Variants in SCAPER observed in about 807,000 individuals in gnomAD.
SCAPER encodes S-phase cyclin A associated protein in the ER, also known as S phase cyclin A-associated protein in the endoplasmic reticulum.
Under a neutral mutation model 182.2 loss-of-function variants are expected in SCAPER, and 98 were observed. That is an observed-to-expected ratio of 0.54 (90% confidence interval 0.46 to 0.64). SCAPER has a LOEUF of 0.64. SCAPER is among the 30% of genes least tolerant of loss of function. SCAPER has a pLI of 0.00. For missense variants in SCAPER, 1,432 were observed against 1,690.0 expected, an observed-to-expected ratio of 0.85 and a Z score of 2.68; for synonymous variants, 605 against 564.6, an observed-to-expected ratio of 1.07 and a Z score of -1.01.
chr15:76,564,119 C>T (rs999371746), intron 23 of SCAPER, among the ~76,000 whole-genome samples: 3 of 152,140 alleles, frequency 2.0e-5, no homozygotes, highest in African/African-American at 4.8e-5. Flanking sequence ...ACAAGGATGC[C>T]TTCTCTCACC....
chr15:76,729,305 C>G (rs893053515), intron 16 of SCAPER, among the ~76,000 whole-genome samples: 1 of 151,298 alleles, frequency 6.6e-6, no homozygotes, highest in Non-Finnish European at 1.5e-5. Context: ...TACACACACA[C>G]ACACACACAC....
intron 1 of SCAPER, among the ~76,000 whole-genome samples, chr15:76,892,958 T>C (rs1454572348): frequency 7.1e-6 from 1 of 141,806 alleles, no homozygotes; most frequent in Non-Finnish European, 1.6e-5. Flanking sequence ...TAAGAAAATG[T>C]GGCACATATA....
Position 76,404,567 on chromosome 15 carries a change from G to A in SCAPER, c.3424C>T (p.Leu1142Phe), listed in dbSNP as rs1471576283. The A allele has an allele frequency of 1.9e-6, 3 of 1,613,556 alleles. No homozygotes were observed. The change falls in exon 27 of 32, where the codon CTC becomes TTC. Residue 1142 changes from leucine to phenylalanine, a missense_variant. Physicochemically the swap from Leu to Phe is conservative, Grantham distance 22. Coordinates refer to ENST00000563290, the MANE Select transcript of SCAPER (RefSeq NM_020843.4). ...CACAGTGTACACATTGCATGTAAGAGTCCTGCGGCATGCTGCAGAAATATG... is the reference window on the plus strand; with the variant it reads ...CACAGTGTACACATTGCATGTAAGAATCCTGCGGCATGCTGCAGAAATATG... Reference protein sequence around the residue: ...MAIFLQHAAGLLHAMCTLCFA... With the variant: ...MAIFLQHAAGFLHAMCTLCFA...
intron 23 of SCAPER, among the ~76,000 whole-genome samples, chr15:76,526,081 G>A (rs654416): frequency 0.97 from 147,886 of 152,292 alleles, 71,938 homozygotes; most frequent in South Asian, 1. Context: ...ATACTCATGT[G>A]TTTTTACAAT....
At chr15:76,741,279 T>C (rs1598459837) in intron 15 of SCAPER, among the ~76,000 whole-genome samples, 1 of 152,152 alleles carries the variant, frequency 6.6e-6, no homozygotes, top group South Asian at 2.1e-4. Flanking sequence ...TTTCTGAGGG[T>C]GGGATTGAGT....
chr15:76,705,639 A>G (rs2059224272), intron 18 of SCAPER, among the ~76,000 whole-genome samples: 1 of 152,212 alleles, frequency 6.6e-6, no homozygotes, highest in Non-Finnish European at 1.5e-5. Context: ...TGTGTAAGAA[A>G]AAATATTAAA....
At chr15:76,789,340 A>T (rs1311504823) in intron 8 of SCAPER, among the ~76,000 whole-genome samples, 1 of 152,176 alleles carries the variant, frequency 6.6e-6, no homozygotes, top group Non-Finnish European at 1.5e-5. Context: ...CTCAGTTTCC[A>T]GTTAACTGGC....
intron 29 of SCAPER, among the ~76,000 whole-genome samples, chr15:76,374,344 C>T (rs540026095): frequency 4.0e-5 from 6 of 151,762 alleles, no homozygotes; most frequent in East Asian, 2.0e-4. Context: ...GCCAAGATCA[C>T]GCCACTGCAC....
At chr15:76,766,740 C>CTATTGTTTATTGTGTTTATTATTTGT in intron 11 of SCAPER, among the ~76,000 whole-genome samples, 178 bp downstream of exon 11, 1 of 152,236 alleles carries the variant, frequency 6.6e-6, no homozygotes, top group East Asian at 1.9e-4. Context: ...AAAAGATTTG[C>CTATTGTTTATTGTGTTTATTATTTGT]TATTGTTTAT....
chr15:76,357,189 C>CACACACACACACACACACACACA (rs1555410451), intron 29 of SCAPER, among the ~76,000 whole-genome samples: 1 of 146,492 alleles, frequency 6.8e-6, no homozygotes, highest in Non-Finnish European at 1.5e-5. Flanking sequence ...CACACACACA[C>CACACACACACACACACACACACA]CCCTATGGCC....
chr15:76,665,482 T>C (rs908651139), intron 21 of SCAPER, among the ~76,000 whole-genome samples, 171 bp downstream of exon 21: 4 of 152,208 alleles, frequency 2.6e-5, no homozygotes, highest in African/African-American at 4.8e-5. Flanking sequence ...TAGATCGATA[T>C]GCAGTTTTCT....
At position 76,652,363 on chromosome 15, in the gene SCAPER, C is replaced by T. The variant is rs1465759195; in HGVS notation, c.2645+13290G>A. 1.1e-3 allele frequency among the ~76,000 whole-genome samples: 33 copies of T among 30,916 alleles called. 1 individual carries two copies. Among genetic ancestry groups the T allele is most frequent in the African/African-American group, 4.6e-3 (28 of 6,084 alleles). 20.3% of individuals were successfully genotyped at this position (30,916 alleles called of 152,430 possible). A position where few individuals can be genotyped will look rare whatever the true frequency, so the allele number is the denominator to read the frequency against. On this transcript the variant is annotated intron_variant, in intron 21 of 31. Coordinates refer to ENST00000563290, the MANE Select transcript of SCAPER (RefSeq NM_020843.4). ...ATATATACACACACACACACACACA[C>T]ACACACACATATATATATATATATA...
Position 76,794,028 on chromosome 15 carries a change from A to C in SCAPER, c.772+1252T>G, listed in dbSNP as rs144470565. ...CTTCATGGTGATCAGAGGTCACAGA[A>C]GTCTTCTGTGTTAATTGCTGTGGCA... On this transcript the variant is annotated intron_variant, in intron 8 of 31. Transcript: ENST00000563290. Among the ~76,000 whole-genome samples, 348 of 152,278 alleles carry C rather than the reference A, an allele frequency of 2.3e-3. 1 individual carries two copies. The highest frequency in any genetic ancestry group is 8.0e-3 in the African/African-American group (334 of 41,578).
chr15:76,762,450 C>T (rs1215287598), intron 14 of SCAPER, among the ~76,000 whole-genome samples: 4 of 149,514 alleles, frequency 2.7e-5, no homozygotes, highest in African/African-American at 9.8e-5. Context: ...GTGGTTACAA[C>T]TGTCTACTTT....
intron 25 of SCAPER, among the ~76,000 whole-genome samples, chr15:76,448,260 C>A (rs1267492057): frequency 6.6e-6 from 1 of 151,898 alleles, no homozygotes; most frequent in Non-Finnish European, 1.5e-5. Context: ...GGAAGGGTTA[C>A]AATTAACAGC....
At chr15:76,392,482 T>A (rs1454050316) in intron 27 of SCAPER, among the ~76,000 whole-genome samples, 1 of 152,078 alleles carries the variant, frequency 6.6e-6, no homozygotes, top group East Asian at 1.9e-4. Flanking sequence ...ACGCCTGCAA[T>A]CCCAACACTC....
chr15:76,692,349 A>C (rs2058405953), intron 20 of SCAPER, among the ~76,000 whole-genome samples: 1 of 152,190 alleles, frequency 6.6e-6, no homozygotes, highest in African/African-American at 2.4e-5. Context: ...TACTTCCATT[A>C]AGTACTGAAA....
chr15:76,464,722 A>G (rs2049462501), intron 25 of SCAPER, among the ~76,000 whole-genome samples: 2 of 152,176 alleles, frequency 1.3e-5, no homozygotes, highest in African/African-American at 4.8e-5. Flanking sequence ...CAGTGCAGAT[A>G]TCTATTCAAG....
At chr15:76,745,356 G>C (rs1174020209) in intron 15 of SCAPER, among the ~76,000 whole-genome samples, 1 of 152,172 alleles carries the variant, frequency 6.6e-6, no homozygotes, top group Non-Finnish European at 1.5e-5. Flanking sequence ...GGCTGAGGCG[G>C]GAGAATGGCT....
Sources: allele counts gnomAD v4.1 joint callset (sites outside exome capture counted in the v4.1 genomes callset), GRCh38; gene constraint gnomAD v4.1.1; transcripts MANE v1.5; gene names NCBI Gene and HGNC (gene_info 2026-07-23, HGNC 2026-07-21).